The following NUDT19 variants were observed in gnomAD, a reference collection of about 807,000 sequenced individuals.
The protein encoded by NUDT19 is nudix hydrolase 19, also known as acyl-coenzyme A diphosphatase NUDT19.
Under a neutral mutation model 22.2 loss-of-function variants are expected in NUDT19, and 31 were observed. That is an observed-to-expected ratio of 1.40 (90% confidence interval 1.05 to 1.89). The LOEUF (loss-of-function observed/expected upper bound fraction) is 1.89. Ranked by LOEUF, NUDT19 falls within the 40% of genes most tolerant of loss-of-function variation. The probability of loss-of-function intolerance (pLI) is 0.00; values close to 1 mark genes in which losing one functional copy is unlikely to be tolerated. For missense variants in NUDT19, 752 were observed against 514.2 expected (o/e 1.46, Z -4.47); for synonymous variants, 325 against 230.8 (o/e 1.41, Z -3.70).
At chr19:32,699,433 T>G (rs760024825) in intron 1 of NUDT19, among the ~76,000 whole-genome samples, 1 of 152,154 alleles carries the variant, frequency 6.6e-6, no homozygotes, top group Non-Finnish European at 1.5e-5. Flanking sequence ...CTGAATGGCT[T>G]TCCTCGCTGT....
chr19:32,707,323 C>T (rs1316455226), intron 1 of NUDT19, among the ~76,000 whole-genome samples: 1 of 152,130 alleles, frequency 6.6e-6, no homozygotes, highest in East Asian at 1.9e-4. Context: ...TGGCCACCTG[C>T]AGAATGATTA....
chr19:32,713,275 C>T lies in NUDT19; in HGVS notation c.*1318C>T, dbSNP rs1435733196. The T allele has an allele frequency of 1.3e-5, 2 of 152,196 alleles. No individual in the cohort carries two copies. The highest frequency in any genetic ancestry group is 2.4e-5 in the African/African-American group (1 of 41,422). 9.4% of individuals were successfully genotyped at this position (152,196 alleles called of 1,614,324 possible). A position where few individuals can be genotyped will look rare whatever the true frequency, so the allele number is the denominator to read the frequency against. On this transcript the variant is annotated 3_prime_UTR_variant, in exon 3 of 3. Coordinates refer to ENST00000397061, the MANE Select transcript of NUDT19 (RefSeq NM_001105570.2). The stretch of plus-strand genomic sequence containing the variant: ...TCCCAGGTTCAAGCGATTTTTCTGC[C>T]TCAGCCTCCCGAGTAGCTGGGATTA...
chr19:32,692,210 C>T lies in NUDT19; in HGVS notation c.250C>T (p.His84Tyr), dbSNP rs1381600673. ...ADWLGLFAPH[H>Y]GPPRFGLGPA... ...CTGGCTGGGCCTCTTCGCGCCGCAC[C>T]ACGGGCCGCCGCGCTTCGGCCTGGG... is the stretch of plus-strand genomic sequence containing the variant. Residue 84 changes from histidine to tyrosine, a missense_variant, in exon 1 of 3, where the codon CAC becomes TAC. By Grantham distance (83) the His-to-Tyr change is moderately conservative (BLOSUM62 2). Transcript: ENST00000397061. 6.3e-7 allele frequency: 1 copy of T among 1,581,584 alleles called. No homozygotes were observed. Among genetic ancestry groups the T allele is most frequent in the Non-Finnish European group, 8.5e-7 (1 of 1,172,920 alleles).
At chr19:32,703,627 G>A (rs1210280410) in intron 1 of NUDT19, among the ~76,000 whole-genome samples, 1 of 143,648 alleles carries the variant, frequency 7.0e-6, no homozygotes, top group East Asian at 2.1e-4. Context: ...GAGATCACAG[G>A]TGTGGGCCAC....
chr19:32,696,125 T>C (rs1199658206), intron 1 of NUDT19, among the ~76,000 whole-genome samples: 1 of 152,190 alleles, frequency 6.6e-6, no homozygotes, highest in East Asian at 1.9e-4. Flanking sequence ...CCCTATCCTC[T>C]GGGAGAAAAG....
rs1379953694 is a variant in NUDT19 at position 32,692,639 on chromosome 19, G to A, written c.679G>A (p.Val227Ile). ...GTGCTGCCTGCGCGAGCCGCCGCCCGTCTACCCCGACTTGGCGGAGGTGGT... is the reference window on the plus strand; with the variant it reads ...GTGCTGCCTGCGCGAGCCGCCGCCCATCTACCCCGACTTGGCGGAGGTGGT... ...FLCCLREPPP[V>I]YPDLAEVVGY... The change falls in exon 1 of 3, where the codon GTC (valine) becomes ATC (isoleucine). Residue 227 changes from valine (V) to isoleucine (I), a missense_variant. Val to Ile is a conservative substitution (Grantham distance 29). Transcript: ENST00000397061. 9.2e-6 allele frequency: 14 copies of A among 1,527,700 alleles called. No individual in the cohort carries two copies. Among genetic ancestry groups the A allele is most frequent in the East Asian group, 2.4e-5 (1 of 42,054 alleles). 94.6% of individuals were successfully genotyped at this position (1,527,700 alleles called of 1,614,324 possible).
At chr19:32,693,019 C>A (rs1482060835) in intron 1 of NUDT19, among the ~76,000 whole-genome samples, 2 of 151,094 alleles carry the variant, frequency 1.3e-5, no homozygotes, top group Non-Finnish European at 2.9e-5. Flanking sequence ...TTAATATGAT[C>A]CAGTCTTCCT....
chr19:32,707,804 C>G (rs1024180089), intron 1 of NUDT19, among the ~76,000 whole-genome samples: 5 of 151,812 alleles, frequency 3.3e-5, no homozygotes, highest in Admixed American at 1.3e-4. Context: ...CGGTGAAACC[C>G]CGTCTCTACT....
rs865918222 is a variant in NUDT19, at chr19:32,709,158, A to G, written c.715-27A>G. On this transcript the variant is annotated intron_variant, in intron 1 of 2. Transcript: ENST00000397061. ...TCACATTGTCTATGGCATAAACCTT[A>G]AGAAACCCTGCCTTTGTCTTTCACA... The G allele has an allele frequency of 1.4e-5, 21 of 1,534,302 alleles. No homozygotes were observed. In the Middle Eastern group the frequency reaches 1.8e-3, roughly 129 times the overall value.
At chr19:32,699,779 T>C (rs962366160) in intron 1 of NUDT19, among the ~76,000 whole-genome samples, 12 of 152,236 alleles carry the variant, frequency 7.9e-5, no homozygotes, top group Admixed American at 7.8e-4. Context: ...ACTTCAAGAA[T>C]GAAGCTGCAG....
chr19:32,709,209 GA>G lies in NUDT19; in HGVS notation c.742del (p.Ser248ValfsTer17), dbSNP rs745840515. 10 of 1,613,460 alleles carry G rather than the reference GA, an allele frequency of 6.2e-6. No homozygotes were observed. In the East Asian group the frequency reaches 2.2e-4, roughly 36 times the overall value. ...GTGGTCATCTCCATCAGAGGCAACT[GA>G]AAGTTTCTTATCAAAAGAAATTTGG... ...YQWSSPSEAT[E>X]SFLSKEIWLP... On this transcript the variant is annotated frameshift_variant, in exon 2 of 3. Transcript: ENST00000397061. LOFTEE classifies it high-confidence loss of function.
At chr19:32,695,680 G>C (rs1021533320) in intron 1 of NUDT19, among the ~76,000 whole-genome samples, 2 of 152,176 alleles carry the variant, frequency 1.3e-5, no homozygotes, top group African/African-American at 4.8e-5. Flanking sequence ...CTTCGGCAGT[G>C]TAAGACTGCC....
chr19:32,701,906 C>A (rs1029542243), intron 1 of NUDT19, among the ~76,000 whole-genome samples: 8 of 152,188 alleles, frequency 5.3e-5, no homozygotes, highest in Non-Finnish European at 1.2e-4. Flanking sequence ...AATCCCAACA[C>A]TTTGGGAGGC....
rs1443904351 is a variant in NUDT19, at chr19:32,709,240, C to T, written c.770C>T (p.Pro257Leu). ...TTCTTATCAAAAGAAATTTGGTTGC[C>T]ACCCCCACAGTTCTACGAAGTGAGA... ...ESFLSKEIWL[P>L]PPQFYEVRRL... Residue 257 changes from proline (P) to leucine (L), a missense_variant, in exon 2 of 3, where the codon CCA becomes CTA. By Grantham distance (98) the Pro-to-Leu change is moderately conservative (BLOSUM62 -3). Transcript: ENST00000397061. 3.7e-6 allele frequency: 6 copies of T among 1,613,976 alleles called. No homozygotes were observed. The highest frequency in any genetic ancestry group is 4.2e-6 in the Non-Finnish European group (5 of 1,180,010).
intron 1 of NUDT19, 51 bp from the exon 2 acceptor site, chr19:32,709,134 C>T (rs1323463977): frequency 7.8e-7 from 1 of 1,273,958 alleles, no homozygotes; most frequent in Non-Finnish European, 1.1e-6. Flanking sequence ...TCTCAAGTCT[C>T]ACATTGTCTA....
chr19:32,702,956 T>C (rs1968350940), intron 1 of NUDT19, among the ~76,000 whole-genome samples: 1 of 152,230 alleles, frequency 6.6e-6, no homozygotes, highest in Admixed American at 6.5e-5. Context: ...ACATTTGACT[T>C]TTATTATAAA....
In NUDT19 at chr19:32,709,294, A is replaced by T. The variant is rs1160834334; in HGVS notation, c.824A>T (p.Asp275Val). 1.9e-6 allele frequency: 3 copies of T among 1,614,168 alleles called. No individual in the cohort carries two copies. The highest frequency in any genetic ancestry group is 2.2e-5 in the South Asian group (2 of 91,090). Residue 275 changes from aspartate (D) to valine (V), a missense_variant, in exon 2 of 3, where the codon GAC (aspartate) becomes GTC (valine). Asp to Val is a radical substitution (Grantham distance 152, BLOSUM62 -3). Coordinates refer to ENST00000397061, the MANE Select transcript of NUDT19 (RefSeq NM_001105570.2). ...CTTGCAAACTTTGCCTCTCTCTCTG[A>T]CTTGCACAAATTTTGTTTGGGTCGT... ...RRLANFASLS[D>V]LHKFCLGRAL...
chr19:32,707,698 G>C (rs1449006474), intron 1 of NUDT19, among the ~76,000 whole-genome samples: 2 of 152,088 alleles, frequency 1.3e-5, no homozygotes, highest in African/African-American at 4.8e-5. Flanking sequence ...CAAAAATTAG[G>C]CCGGGCGCGG....
rs1373281598 is a variant in NUDT19 at position 32,692,498 on chromosome 19, C to A, written c.538C>A (p.Arg180=). The A allele has an allele frequency of 1.9e-6, 3 of 1,553,828 alleles. No individual in the cohort carries two copies. Among genetic ancestry groups the A allele is most frequent in the African/African-American group, 2.8e-5 (2 of 71,074 alleles). The part of the protein sequence containing the change: ...RVRQDPRHFL[R]LCAHLDCTPD... ...GCGCCAGGACCCGCGCCACTTCCTG[C>A]GGCTGTGCGCCCACCTCGACTGCAC... is the stretch of plus-strand genomic sequence containing the variant. The change falls in exon 1 of 3, where the codon CGG becomes AGG. Residue 180 remains arginine, a synonymous_variant. Transcript: ENST00000397061.
Sources: gnomAD v4.1 joint callset for allele counts (sites outside exome capture counted in the v4.1 genomes callset) on GRCh38, gnomAD v4.1.1 for gene constraint, MANE v1.5 for transcripts, NCBI Gene and HGNC (gene_info 2026-07-23, HGNC 2026-07-21) for gene names.